Variants in ARHGEF3 observed in about 807,000 individuals in gnomAD.
ARHGEF3 encodes the protein 59.8 kDA protein.
In ARHGEF3, 28 loss-of-function variants were observed where a neutral mutation model predicts 63.2. That is an observed-to-expected ratio of 0.44 (90% confidence interval 0.33 to 0.61). The LOEUF is 0.61. ARHGEF3 is among the 20% of genes least tolerant of loss of function. The pLI, the probability that ARHGEF3 is intolerant of heterozygous loss-of-function variation, is 0.03. For missense variants in ARHGEF3, 533 were observed against 659.3 expected, an observed-to-expected ratio of 0.81 and a Z score of 2.10; for synonymous variants, 266 against 254.2, an observed-to-expected ratio of 1.05 and a Z score of -0.44.
At chr3:56,907,192 G>A (rs1337802077) in intron 3 of ARHGEF3, among the ~76,000 whole-genome samples, 1 of 151,916 alleles carries the variant, frequency 6.6e-6, no homozygotes, top group African/African-American at 2.4e-5. Context: ...TGTTAGCTAG[G>A]CTGGTCTCAA....
intron 3 of ARHGEF3, among the ~76,000 whole-genome samples, chr3:56,912,517 A>G (rs1457203580): frequency 1.3e-5 from 2 of 152,252 alleles, no homozygotes; most frequent in Admixed American, 1.3e-4. Context: ...TAGGTGACCT[A>G]GACAAATTAT....
At chr3:56,793,240 G>C (rs1040167412) in intron 1 of ARHGEF3, among the ~76,000 whole-genome samples, 1 of 151,420 alleles carries the variant, frequency 6.6e-6, no homozygotes, top group African/African-American at 2.4e-5. Context: ...CGCAATCTCG[G>C]CTCACTGCAA....
chr3:56,901,368 G>GTATGTATATGTA (rs56397347), intron 3 of ARHGEF3, among the ~76,000 whole-genome samples: 12,847 of 147,902 alleles, frequency 0.087, 703 homozygotes, highest in Non-Finnish European at 0.12. Context: ...GAGTGGCAAA[G>GTATGTATATGTA]TATGTATATG....
chr3:56,984,511 AT>A (rs1701458843), intron 2 of ARHGEF3, among the ~76,000 whole-genome samples: 1 of 152,174 alleles, frequency 6.6e-6, no homozygotes, highest in South Asian at 2.1e-4. Context: ...TGAGGCAATG[AT>A]TATATTAAAA....
At chr3:56,832,936 A>G (rs984001152) in intron 4 of ARHGEF3, among the ~76,000 whole-genome samples, 6 of 152,226 alleles carry the variant, frequency 3.9e-5, no homozygotes, top group African/African-American at 1.4e-4. Context: ...AGGTTCATCC[A>G]TGTTGTAGCA....
chr3:56,979,591 T>A (rs1365452645), intron 2 of ARHGEF3, among the ~76,000 whole-genome samples: 1 of 152,192 alleles, frequency 6.6e-6, no homozygotes, highest in African/African-American at 2.4e-5. Flanking sequence ...AGGAATAAAG[T>A]AGGCCCCCTC....
At chr3:56,906,397 A>G (rs906898813) in intron 3 of ARHGEF3, among the ~76,000 whole-genome samples, 1 of 152,216 alleles carries the variant, frequency 6.6e-6, no homozygotes, top group Non-Finnish European at 1.5e-5. Context: ...CGTAAGCCAC[A>G]TGTGGTCACT....
At chr3:57,000,355 G>A (rs572620958) in intron 2 of ARHGEF3, among the ~76,000 whole-genome samples, 2 of 139,026 alleles carry the variant, frequency 1.4e-5, no homozygotes, top group Admixed American at 1.4e-4. Context: ...TTAAGCATCA[G>A]GCCCCACAAA....
intron 2 of ARHGEF3, among the ~76,000 whole-genome samples, chr3:56,996,724 C>T (rs1048485695): frequency 6.6e-6 from 1 of 152,024 alleles, no homozygotes; most frequent in Admixed American, 6.6e-5. Context: ...AGCAAGGCCC[C>T]GTATCTCTTA....
intron 4 of ARHGEF3, among the ~76,000 whole-genome samples, chr3:56,861,486 G>T (rs1474530424): frequency 6.6e-6 from 1 of 152,186 alleles, no homozygotes; most frequent in East Asian, 1.9e-4. Context: ...CTTCCTAGCA[G>T]GAAAAGCAAG....
At chr3:57,074,214 G>T in intron 1 of ARHGEF3, 1 of 1,614,084 alleles carries the variant, frequency 6.2e-7, no homozygotes, top group Non-Finnish European at 8.5e-7. Context: ...GGGCTGCTTT[G>T]TCAGGTCCCT....
At chr3:57,010,263 G>A (rs894684617) in intron 2 of ARHGEF3, among the ~76,000 whole-genome samples, 2 of 151,884 alleles carry the variant, frequency 1.3e-5, no homozygotes, top group South Asian at 2.1e-4. Context: ...GACCATCCTG[G>A]CTAACATGGT....
At chr3:56,996,746 C>T (rs2106989940) in intron 2 of ARHGEF3, among the ~76,000 whole-genome samples, 1 of 152,224 alleles carries the variant, frequency 6.6e-6, no homozygotes, top group Admixed American at 6.5e-5. Flanking sequence ...AGAATAAAAT[C>T]CAAGATAAAA....
chr3:57,072,589 A>C (rs1313486812), intron 1 of ARHGEF3, among the ~76,000 whole-genome samples: 1 of 151,922 alleles, frequency 6.6e-6, no homozygotes, highest in Non-Finnish European at 1.5e-5. Flanking sequence ...AAAAATACAA[A>C]AAATTAGCCA....
chr3:57,043,374 C>T (rs970974702), intron 1 of ARHGEF3, among the ~76,000 whole-genome samples: 2 of 152,024 alleles, frequency 1.3e-5, no homozygotes, highest in Non-Finnish European at 2.9e-5. Context: ...CTTGGCCTCC[C>T]AAAGTGCTGG....
chr3:57,074,251 T>TAC, intron 1 of ARHGEF3: 3 of 1,612,284 alleles, frequency 1.9e-6, no homozygotes, highest in Non-Finnish European at 2.5e-6. Context: ...AACACACACA[T>TAC]ACACACACAT....
chr3:56,903,828 A>G (rs886136520), intron 3 of ARHGEF3, among the ~76,000 whole-genome samples: 1 of 151,978 alleles, frequency 6.6e-6, no homozygotes, highest in Non-Finnish European at 1.5e-5. Flanking sequence ...GCTTTTGTTT[A>G]TGTTGGTTGT....
At chr3:56,823,899 G>T (rs1027606537) in intron 4 of ARHGEF3, among the ~76,000 whole-genome samples, 10 of 148,846 alleles carry the variant, frequency 6.7e-5, no homozygotes, top group Non-Finnish European at 1.5e-5. Context: ...GCTTAATCTT[G>T]AAAAGGGGAG....
intron 3 of ARHGEF3, chr3:56,898,615 C>A: frequency 3.5e-6 from 1 of 284,308 alleles, no homozygotes; most frequent in East Asian, 1.3e-4. Context: ...CAGCTGTTTT[C>A]TTCTGGGGTG....
Sources: allele counts gnomAD v4.1 joint callset (sites outside exome capture counted in the v4.1 genomes callset), GRCh38; gene constraint gnomAD v4.1.1; transcripts MANE v1.5; gene names NCBI Gene and HGNC (gene_info 2026-07-23, HGNC 2026-07-21).